Variants in RFFL observed in about 807,000 individuals in gnomAD.
RFFL encodes the protein ring finger and FYVE like domain containing E3 ubiquitin protein ligase.
Under a neutral mutation model 40.4 loss-of-function variants are expected in RFFL, and 16 were observed. That is an observed-to-expected ratio of 0.40 (90% CI 0.27 to 0.60). The LOEUF (loss-of-function observed/expected upper bound fraction) is 0.60. Ranked by LOEUF, RFFL falls within the 20% of genes least tolerant of loss-of-function variation. The pLI, the probability that RFFL is intolerant of heterozygous loss-of-function variation, is 0.47. For synonymous variants in RFFL, 154 were observed against 167.9 expected, an observed-to-expected ratio of 0.92 and a Z score of 0.64; for missense variants, 367 against 451.7, an observed-to-expected ratio of 0.81 and a Z score of 1.70.
intron 3 of RFFL, among the ~76,000 whole-genome samples, chr17:35,020,635 C>A (rs185372102): frequency 6.6e-6 from 1 of 152,022 alleles, no homozygotes; most frequent in South Asian, 2.1e-4. Context: ...AACATCATCA[C>A]TTCTTATACA....
chr17:35,019,532 C>T (rs923889327), intron 3 of RFFL, among the ~76,000 whole-genome samples: 2 of 152,036 alleles, frequency 1.3e-5, no homozygotes, highest in Non-Finnish European at 2.9e-5. Context: ...CACCACCACG[C>T]CCAGCTAATT....
intron 1 of RFFL, among the ~76,000 whole-genome samples, chr17:35,039,171 T>C: frequency 6.6e-6 from 1 of 152,096 alleles, no homozygotes; most frequent in Non-Finnish European, 1.5e-5. Context: ...CCTCCCAAAG[T>C]GCTGGGATTA....
chr17:35,071,608 T>G (rs2091351231), intron 1 of RFFL, among the ~76,000 whole-genome samples: 1 of 149,872 alleles, frequency 6.7e-6, no homozygotes, highest in African/African-American at 2.5e-5. Context: ...ATAGAGTGAG[T>G]GAGACACTGT....
intron 1 of RFFL, among the ~76,000 whole-genome samples, chr17:35,058,396 T>C (rs2091272463): frequency 6.6e-6 from 1 of 152,204 alleles, no homozygotes; most frequent in African/African-American, 2.4e-5. Flanking sequence ...GTAAATCATA[T>C]GCCCAAACTA....
chr17:35,041,772 T>C lies in RFFL; in HGVS notation c.-8-15211A>G, dbSNP rs1366043877. ...TGGCTCACTCCTACAATCCCAGCAC[T>C]CTGGGAGGCCAAGGCAGGCGGATCA... On this transcript the variant is annotated intron_variant, in intron 1 of 6. Coordinates refer to ENST00000394597, the MANE Select transcript of RFFL (RefSeq NM_001017368.2). 2.6e-5 allele frequency among the ~76,000 whole-genome samples: 4 copies of C among 152,118 alleles called. No homozygotes were observed. In the East Asian group the frequency reaches 7.7e-4, roughly 29 times the overall value.
intron 3 of RFFL, 75 bp from the exon 4 acceptor site, chr17:35,017,681 C>T: frequency 1.0e-6 from 1 of 978,068 alleles, no homozygotes. Flanking sequence ...CTTTTCAACT[C>T]ACACAATGTC....
At chr17:35,046,704 C>A (rs2091202035) in intron 1 of RFFL, among the ~76,000 whole-genome samples, 1 of 152,204 alleles carries the variant, frequency 6.6e-6, no homozygotes, top group Non-Finnish European at 1.5e-5. Flanking sequence ...CTGGTTTCAA[C>A]TATTCTATGA....
At position 35,021,695 on chromosome 17, in the gene RFFL, T is replaced by A. The variant is rs771541570; in HGVS notation, c.267A>T (p.Gln89His). 5.0e-6 allele frequency: 8 copies of A among 1,614,128 alleles called. No individual in the cohort carries two copies. The African/African-American group carries it at 1.1e-4, about 22-fold the overall frequency. Residue 89 changes from glutamine to histidine, a missense_variant, in exon 3 of 7, where the codon CAA becomes CAT. Physicochemically the swap from Gln to His is conservative, Grantham distance 24. Transcript: ENST00000394597. ...GNGPRLCLLC[Q>H]RFRATAFQRE... ...GCTGAAAGGCTGTAGCTCGAAACCG[T>A]TGGCAGAGAAGGCAGAGGCGGGGCC...
At chr17:35,017,938 A>G (rs1485955873) in intron 3 of RFFL, among the ~76,000 whole-genome samples, 1 of 152,176 alleles carries the variant, frequency 6.6e-6, no homozygotes, top group Non-Finnish European at 1.5e-5. Flanking sequence ...TGTCCATTCC[A>G]CTGCTGGACT....
At chr17:35,012,858 T>G (rs1005209870) in intron 6 of RFFL, among the ~76,000 whole-genome samples, 2 of 152,256 alleles carry the variant, frequency 1.3e-5, no homozygotes, top group African/African-American at 4.8e-5. Context: ...AGCTCTTTAA[T>G]TCAACATATT....
At chr17:35,025,903 C>T (rs893775040) in intron 2 of RFFL, among the ~76,000 whole-genome samples, 1 of 152,186 alleles carries the variant, frequency 6.6e-6, no homozygotes, top group Non-Finnish European at 1.5e-5. Context: ...CCTGAGGCAT[C>T]CTTAACGTTG....
upstream of RFFL, among the ~76,000 whole-genome samples, chr17:35,067,359 C>T (rs140506998): frequency 9.1e-3 from 1,377 of 151,824 alleles, 16 homozygotes; most frequent in African/African-American, 0.032. Flanking sequence ...CTCAGGTGAT[C>T]CACCTGCCTC....
At chr17:35,013,532 T>C (rs1267554977) in intron 6 of RFFL, among the ~76,000 whole-genome samples, 2 of 152,124 alleles carry the variant, frequency 1.3e-5, no homozygotes, top group Non-Finnish European at 2.9e-5. Context: ...ATAGAGGAAT[T>C]CTCCCTTATT....
At chr17:35,086,762 C>T (rs548594067) in intron 1 of RFFL, among the ~76,000 whole-genome samples, 9 of 152,232 alleles carry the variant, frequency 5.9e-5, no homozygotes, top group African/African-American at 2.2e-4. Flanking sequence ...CCTCCAAAAA[C>T]ATAAACACTA....
chr17:35,071,244 T>C (rs1363604884), intron 1 of RFFL, among the ~76,000 whole-genome samples: 1 of 150,012 alleles, frequency 6.7e-6, no homozygotes, highest in African/African-American at 2.5e-5. Context: ...CAATATCAAA[T>C]GCTGGTGAGG....
intron 1 of RFFL, among the ~76,000 whole-genome samples, chr17:35,087,068 G>A (rs1417197690): frequency 6.6e-6 from 1 of 152,160 alleles, no homozygotes; most frequent in East Asian, 1.9e-4. Flanking sequence ...CAACCCTTAA[G>A]AGGTGTTCCG....
chr17:35,057,463 G>C (rs1193454052), intron 1 of RFFL, among the ~76,000 whole-genome samples: 1 of 151,340 alleles, frequency 6.6e-6, no homozygotes. Context: ...CACAAGACTG[G>C]CTCCTTCTCA....
In RFFL at chr17:35,012,634, T is replaced by C. The variant is rs568561676; in HGVS notation, c.911-485A>G. On this transcript the variant is annotated intron_variant, in intron 6 of 6. Coordinates refer to ENST00000394597, the MANE Select transcript of RFFL (RefSeq NM_001017368.2). ...TCACAAGGCTTTATCTATAAACATA[T>C]CCTCCATTTAATAAAGTCAGGGATC... Among the ~76,000 whole-genome samples the C allele has an allele frequency of 1.6e-4, 24 of 152,260 alleles. No individual in the cohort carries two copies. The South Asian group carries it at 4.8e-3, about 30-fold the overall frequency.
chr17:35,072,060 C>T (rs570888059), intron 1 of RFFL, among the ~76,000 whole-genome samples: 20 of 152,064 alleles, frequency 1.3e-4, no homozygotes, highest in African/African-American at 4.6e-4. Context: ...GCGGACAAAT[C>T]GCTTGAGCTC....
Sources: gnomAD v4.1 joint callset for allele counts (sites outside exome capture counted in the v4.1 genomes callset) on GRCh38, gnomAD v4.1.1 for gene constraint, MANE v1.5 for transcripts, NCBI Gene and HGNC (gene_info 2026-07-23, HGNC 2026-07-21) for gene names.